NRG1: variants seen among roughly 807,000 people sequenced by gnomAD.
NRG1 encodes the protein neuregulin 1.
In NRG1, 18 loss-of-function variants were observed where a neutral mutation model predicts 63.8. That is an observed-to-expected ratio of 0.28 (90% confidence interval 0.19 to 0.42). The LOEUF (loss-of-function observed/expected upper bound fraction) is 0.42. Ranked by LOEUF, NRG1 falls within the 10% of genes least tolerant of loss-of-function variation. The pLI is 1.00. For synonymous variants in NRG1, 302 were observed against 301.3 expected (o/e 1.00, Z -0.02); for missense variants, 762 against 814.7 (o/e 0.94, Z 0.79).
intron 1 of NRG1, among the ~76,000 whole-genome samples, chr8:32,233,121 A>C (rs900978584): frequency 6.6e-6 from 1 of 152,104 alleles, no homozygotes; most frequent in African/African-American, 2.4e-5. Flanking sequence ...AGTATTTTGG[A>C]GACAGGGTCT....
At chr8:31,838,907 T>C (rs1825928861) in intron 1 of NRG1, among the ~76,000 whole-genome samples, 1 of 152,228 alleles carries the variant, frequency 6.6e-6, no homozygotes, top group Non-Finnish European at 1.5e-5. Flanking sequence ...TATAATTGTA[T>C]TCACTATTTC....
chr8:31,863,810 T>C (rs768812223), intron 1 of NRG1, among the ~76,000 whole-genome samples: 1 of 152,172 alleles, frequency 6.6e-6, no homozygotes, highest in Non-Finnish European at 1.5e-5. Flanking sequence ...CCATTATTTC[T>C]TTTTCAGGAT....
chr8:31,945,456 G>A (rs998111973), intron 1 of NRG1, among the ~76,000 whole-genome samples: 10 of 152,008 alleles, frequency 6.6e-5, no homozygotes, highest in African/African-American at 2.4e-4. Context: ...CAGATTTTCT[G>A]GTAGAGATTT....
intron 1 of NRG1, among the ~76,000 whole-genome samples, chr8:32,169,760 C>T (rs182143682): frequency 1.1e-4 from 17 of 152,236 alleles, no homozygotes; most frequent in Non-Finnish European, 2.9e-5. Context: ...CTATGGGTAA[C>T]ACAAAAGCAA....
chr8:32,098,895 T>C (rs1284170732), intron 1 of NRG1: 1 of 152,190 alleles, frequency 6.6e-6, no homozygotes, highest in Non-Finnish European at 1.5e-5. Context: ...TGGGTAGCCA[T>C]AGGACCTCTT....
intron 1 of NRG1, among the ~76,000 whole-genome samples, chr8:32,302,909 C>T (rs561989179): frequency 4.6e-5 from 7 of 152,194 alleles, no homozygotes; most frequent in East Asian, 1.9e-4. Flanking sequence ...TGGCCGAGCA[C>T]GGGGGCTCAC....
At chr8:32,018,728 T>C (rs1815968662) in intron 1 of NRG1, among the ~76,000 whole-genome samples, 2 of 152,200 alleles carry the variant, frequency 1.3e-5, no homozygotes, top group Non-Finnish European at 2.9e-5. Context: ...GATATAAGCA[T>C]TCTTGTATAT....
chr8:31,850,296 G>A (rs1428386383), intron 1 of NRG1, among the ~76,000 whole-genome samples: 1 of 152,102 alleles, frequency 6.6e-6, no homozygotes, highest in African/African-American at 2.4e-5. Context: ...ATGGGATGAT[G>A]GCAGAGCTCA....
At chr8:31,908,078 G>T (rs1162379719) in intron 1 of NRG1, among the ~76,000 whole-genome samples, 2 of 152,056 alleles carry the variant, frequency 1.3e-5, no homozygotes, top group Non-Finnish European at 2.9e-5. Flanking sequence ...TGGAGCCCTG[G>T]ATCTTCAAAA....
At chr8:32,347,936 G>A (rs768424861) in intron 1 of NRG1, among the ~76,000 whole-genome samples, 4 of 152,112 alleles carry the variant, frequency 2.6e-5, no homozygotes, top group African/African-American at 4.8e-5. Context: ...GAAAGGCCAC[G>A]GGCACTCTCA....
intron 1 of NRG1, among the ~76,000 whole-genome samples, chr8:31,718,581 T>C (rs1812595148): frequency 6.6e-6 from 1 of 152,240 alleles, no homozygotes; most frequent in South Asian, 2.1e-4. Context: ...TGATTGTTTT[T>C]ATCTCTTGAT....
At chr8:32,397,492 A>T (rs1812591928) in intron 1 of NRG1, among the ~76,000 whole-genome samples, 1 of 150,256 alleles carries the variant, frequency 6.7e-6, no homozygotes, top group Non-Finnish European at 1.5e-5. Context: ...ATGTTTGTTA[A>T]TGTTATATAT....
intron 1 of NRG1, among the ~76,000 whole-genome samples, chr8:32,001,345 C>T (rs1812898337): frequency 6.6e-6 from 1 of 151,912 alleles, no homozygotes; most frequent in South Asian, 2.1e-4. Context: ...GGGAGTTCCC[C>T]TGCACATGCT....
intron 1 of NRG1, among the ~76,000 whole-genome samples, chr8:32,499,512 A>G (rs763206336): frequency 3.9e-5 from 6 of 152,042 alleles, no homozygotes; most frequent in African/African-American, 7.2e-5. Flanking sequence ...GTGTGACTCC[A>G]TCTCTAATAA....
intron 1 of NRG1, among the ~76,000 whole-genome samples, chr8:32,073,301 G>A (rs78431288): frequency 0.023 from 3,496 of 152,200 alleles, 40 homozygotes; most frequent in South Asian, 0.039. Context: ...ATTTCATTTC[G>A]GGTTAATAAG....
intron 3 of NRG1, among the ~76,000 whole-genome samples, chr8:32,606,397 C>T (rs1161633708): frequency 6.6e-6 from 1 of 151,980 alleles, no homozygotes; most frequent in Non-Finnish European, 1.5e-5. Flanking sequence ...GAGGCTTCAT[C>T]TTCAGCTTTG....
chr8:32,099,126 G>A (rs1055782795), intron 1 of NRG1, among the ~76,000 whole-genome samples: 1 of 152,192 alleles, frequency 6.6e-6, no homozygotes, highest in Middle Eastern at 3.2e-3. Context: ...CTGACTGCAA[G>A]GAGACAAAGG....
chr8:31,891,264 T>C (rs897411742), intron 1 of NRG1, among the ~76,000 whole-genome samples: 2 of 152,180 alleles, frequency 1.3e-5, no homozygotes, highest in Non-Finnish European at 2.9e-5. Flanking sequence ...GATCTAGGAC[T>C]AGTAACTCAA....
intron 5 of NRG1, among the ~76,000 whole-genome samples, chr8:32,629,155 G>C (rs921435617): frequency 2.0e-5 from 3 of 151,980 alleles, no homozygotes; most frequent in Admixed American, 6.5e-5. Context: ...TTAAAATAAT[G>C]GTCTGAAATT....
Sources: allele counts gnomAD v4.1 joint callset (sites outside exome capture counted in the v4.1 genomes callset), GRCh38; gene constraint gnomAD v4.1.1; transcripts MANE v1.5; gene names NCBI Gene and HGNC (gene_info 2026-07-23, HGNC 2026-07-21).